TBC1D2B: variants seen among roughly 807,000 people sequenced by gnomAD.
TBC1D2B encodes the protein TBC1 domain family member 2B, also known as TBC1 domain family, member 2B.
In TBC1D2B, 64 loss-of-function variants were observed where a neutral mutation model predicts 100.8. That is an observed-to-expected ratio of 0.64 (90% CI 0.52 to 0.78). The LOEUF is 0.78. TBC1D2B is among the 30% of genes least tolerant of loss of function. TBC1D2B has a pLI of 0.00. For missense variants in TBC1D2B, 1,052 were observed against 1,218.4 expected (o/e 0.86, Z 2.03); for synonymous variants, 480 against 479.7 (o/e 1.00, Z -0.01).
At chr15:78,046,423 T>A (rs2073196941) in intron 2 of TBC1D2B, among the ~76,000 whole-genome samples, 1 of 152,240 alleles carries the variant, frequency 6.6e-6, no homozygotes, top group Non-Finnish European at 1.5e-5. Context: ...AATATCTCTA[T>A]ATCAACAAAA....
chr15:78,004,421 G>A (rs1208959401), intron 10 of TBC1D2B, among the ~76,000 whole-genome samples: 1 of 152,166 alleles, frequency 6.6e-6, no homozygotes, highest in Middle Eastern at 3.2e-3. Context: ...AGGGCTGGGA[G>A]GTGAGGCAGC....
intron 2 of TBC1D2B, among the ~76,000 whole-genome samples, chr15:78,047,803 T>C (rs2073229001): frequency 6.6e-6 from 1 of 152,060 alleles, no homozygotes; most frequent in Non-Finnish European, 1.5e-5. Context: ...GCACAGTGTC[T>C]GGAGTGGGGG....
At chr15:78,057,174 G>A (rs1304826626) in intron 1 of TBC1D2B, among the ~76,000 whole-genome samples, 1 of 151,908 alleles carries the variant, frequency 6.6e-6, no homozygotes, top group Non-Finnish European at 1.5e-5. Flanking sequence ...GAAACAATCA[G>A]TAACCTCTGA....
intron 6 of TBC1D2B, among the ~76,000 whole-genome samples, chr15:78,019,128 C>T (rs767310957): frequency 1.5e-4 from 23 of 152,066 alleles, no homozygotes; most frequent in Non-Finnish European, 2.2e-4. Flanking sequence ...AACTCCCCAT[C>T]GCCAAACAAG....
intron 12 of TBC1D2B, 131 bp from the exon 13 acceptor site, chr15:77,998,486 T>C (rs1176340860): frequency 3.8e-6 from 3 of 792,164 alleles, no homozygotes; most frequent in African/African-American, 1.8e-5. Flanking sequence ...GGGCCTGATG[T>C]AGGGGATGAG....
intron 2 of TBC1D2B, among the ~76,000 whole-genome samples, chr15:78,053,268 G>A (rs1023126354): frequency 2.6e-5 from 4 of 152,198 alleles, no homozygotes; most frequent in Non-Finnish European, 5.9e-5. Flanking sequence ...AGTCCTTACT[G>A]TTGTCTACTC....
At chr15:78,037,734 G>A (rs2072981529) in intron 3 of TBC1D2B, among the ~76,000 whole-genome samples, 1 of 152,196 alleles carries the variant, frequency 6.6e-6, no homozygotes, top group Non-Finnish European at 1.5e-5. Flanking sequence ...CAATTAAGGA[G>A]TGAGGAAATC....
chr15:78,068,818 T>C (rs1187641274), intron 1 of TBC1D2B, among the ~76,000 whole-genome samples: 1 of 152,248 alleles, frequency 6.6e-6, no homozygotes, highest in African/African-American at 2.4e-5. Flanking sequence ...CTACCCAGTT[T>C]ACCATTTCCA....
At chr15:78,065,597 T>C (rs1014038003) in intron 1 of TBC1D2B, among the ~76,000 whole-genome samples, 1 of 152,204 alleles carries the variant, frequency 6.6e-6, no homozygotes, top group Non-Finnish European at 1.5e-5. Flanking sequence ...CATTGCACAA[T>C]GTGAGAGAGC....
At chr15:78,025,712 G>A (rs2072647764) in intron 4 of TBC1D2B, 1 of 315,798 alleles carries the variant, frequency 3.2e-6, no homozygotes, top group East Asian at 6.4e-5. Flanking sequence ...ATTTTCAGTA[G>A]AGATGAGGTT....
chr15:78,047,864 G>A (rs1261984008), intron 2 of TBC1D2B, among the ~76,000 whole-genome samples: 9 of 152,182 alleles, frequency 5.9e-5, no homozygotes. Flanking sequence ...ACAGGCACAT[G>A]GGGTAAAGGT....
At chr15:78,073,130 C>T (rs1057424936) in intron 1 of TBC1D2B, among the ~76,000 whole-genome samples, 1 of 152,228 alleles carries the variant, frequency 6.6e-6, no homozygotes, top group African/African-American at 2.4e-5. Context: ...CCTCTACTTT[C>T]AGAGAGGGTC....
intron 3 of TBC1D2B, among the ~76,000 whole-genome samples, chr15:78,032,373 T>C (rs2072837751): frequency 6.6e-6 from 1 of 151,980 alleles, no homozygotes; most frequent in Admixed American, 6.6e-5. Flanking sequence ...AGTCATTTAA[T>C]ACATCCGAGA....
intron 1 of TBC1D2B, among the ~76,000 whole-genome samples, chr15:78,064,012 G>A (rs955549521): frequency 4.6e-5 from 7 of 152,032 alleles, no homozygotes; most frequent in South Asian, 4.1e-4. Context: ...CATATATGTC[G>A]CATGCTTAAA....
chr15:78,040,121 G>T (rs1050893645), intron 3 of TBC1D2B, among the ~76,000 whole-genome samples: 9 of 152,230 alleles, frequency 5.9e-5, no homozygotes, highest in Middle Eastern at 3.4e-3. Context: ...ACGCTCACAC[G>T]TGTGCTCAGG....
intron 9 of TBC1D2B, among the ~76,000 whole-genome samples, chr15:78,010,707 C>T (rs917234081): frequency 1.3e-5 from 2 of 152,086 alleles, no homozygotes; most frequent in African/African-American, 4.8e-5. Context: ...CACTTAAATT[C>T]ACCAATATTC....
chr15:78,013,976 A>G (rs1196202536), intron 8 of TBC1D2B, among the ~76,000 whole-genome samples: 1 of 152,148 alleles, frequency 6.6e-6, no homozygotes, highest in African/African-American at 2.4e-5. Flanking sequence ...GAGAGACGGG[A>G]GGTGTGAGAG....
chr15:78,013,413 A>C, intron 8 of TBC1D2B, 96 bp from the exon 9 acceptor site: 2 of 1,150,860 alleles, frequency 1.7e-6, no homozygotes, highest in Middle Eastern at 2.2e-4. Flanking sequence ...CAAATCAGGC[A>C]CACGTGGTAC....
intron 5 of TBC1D2B, among the ~76,000 whole-genome samples, chr15:78,024,870 A>G (rs1014481734): frequency 6.6e-6 from 1 of 152,212 alleles, no homozygotes; most frequent in Non-Finnish European, 1.5e-5. Flanking sequence ...AATTAAATGT[A>G]ATTAGATCTG....
Sources: allele counts gnomAD v4.1 joint callset (sites outside exome capture counted in the v4.1 genomes callset), GRCh38; gene constraint gnomAD v4.1.1; transcripts MANE v1.5; gene names NCBI Gene and HGNC (gene_info 2026-07-23, HGNC 2026-07-21).